CCDC158: variants seen among roughly 807,000 people sequenced by gnomAD.
CCDC158 encodes coiled-coil domain containing 158.
A neutral mutation model predicts 138.6 loss-of-function variants in CCDC158; 116 were observed. That is an observed-to-expected ratio of 0.84 (90% CI 0.72 to 0.98). CCDC158 has a LOEUF of 0.98. CCDC158 is among the 50% of genes least tolerant of loss of function. The pLI is 0.00. For missense variants in CCDC158, 1,265 were observed against 1,306.1 expected (o/e 0.97, Z 0.48); for synonymous variants, 436 against 442.4 (o/e 0.99, Z 0.18).
At chr4:76,350,063 A>G (rs1316585633) in intron 18 of CCDC158, among the ~76,000 whole-genome samples, 1 of 152,248 alleles carries the variant, frequency 6.6e-6, no homozygotes, top group Non-Finnish European at 1.5e-5. Context: ...TATCAATGGA[A>G]CATGTACATA....
chr4:76,339,611 CTA>C (rs749664988), intron 18 of CCDC158, among the ~76,000 whole-genome samples: 2 of 152,226 alleles, frequency 1.3e-5, no homozygotes, highest in Non-Finnish European at 2.9e-5. Context: ...AGCTGCAGAA[CTA>C]TTCAAGTCTT....
intron 4 of CCDC158, among the ~76,000 whole-genome samples, chr4:76,392,279 T>C (rs1579063383): frequency 3.3e-5 from 5 of 151,938 alleles, no homozygotes; most frequent in African/African-American, 1.2e-4. Flanking sequence ...ATATCATGAC[T>C]AAGTGGGATT....
At chr4:76,345,562 G>T (rs1210495759) in intron 18 of CCDC158, 1 of 1,070,044 alleles carries the variant, frequency 9.3e-7, no homozygotes, top group Non-Finnish European at 1.5e-6. Context: ...CTTTTGCAGA[G>T]CTGTATTGAC....
intron 11 of CCDC158, among the ~76,000 whole-genome samples, chr4:76,368,633 C>T (rs17001826): frequency 0.029 from 4,471 of 152,248 alleles, 220 homozygotes; most frequent in African/African-American, 0.1. Context: ...CGTTTTGCTA[C>T]TGGAGGGTGC....
At chr4:76,317,532 T>A (rs551399652) in intron 24 of CCDC158, among the ~76,000 whole-genome samples, 25 of 152,246 alleles carry the variant, frequency 1.6e-4, no homozygotes, top group African/African-American at 4.8e-4. Context: ...ACAATAATAG[T>A]GGAGGACTTC....
At chr4:76,370,450 G>A in intron 10 of CCDC158, among the ~76,000 whole-genome samples, 1 of 152,162 alleles carries the variant, frequency 6.6e-6, no homozygotes, top group South Asian at 2.1e-4. Flanking sequence ...GTATTGAAAG[G>A]GAGGGTGTCT....
In CCDC158 at chr4:76,367,346, GCT is replaced by G; in HGVS notation, c.1776_1777del (p.Lys592AsnfsTer8). On this transcript the variant is annotated frameshift_variant, in exon 12 of 25. Transcript: ENST00000682701. LOFTEE classifies it high-confidence loss of function. ...ATCATTAATTTCTTTCTCCAGTTGA[GCT>G]TTTTCTACTTGCATAGCTCCAGCAG... 14 of 1,613,952 alleles carry G rather than the reference GCT, an allele frequency of 8.7e-6. No homozygotes were observed. The highest frequency in any genetic ancestry group is 1.2e-5 in the Non-Finnish European group (14 of 1,179,876).
chr4:76,417,620 T>C (rs1729800428), intron 1 of CCDC158, among the ~76,000 whole-genome samples: 1 of 152,116 alleles, frequency 6.6e-6, no homozygotes, highest in Admixed American at 6.5e-5. Context: ...CCCACCATGA[T>C]TCTGAGGCCT....
intron 2 of CCDC158, among the ~76,000 whole-genome samples, chr4:76,407,780 A>G (rs1728951036): frequency 6.6e-6 from 1 of 152,202 alleles, no homozygotes; most frequent in Admixed American, 6.5e-5. Context: ...ATCTAAGATC[A>G]AGGTAAGCAG....
intron 18 of CCDC158, among the ~76,000 whole-genome samples, chr4:76,336,062 G>A (rs1363611002): frequency 2.6e-5 from 4 of 151,148 alleles, no homozygotes; most frequent in Non-Finnish European, 4.4e-5. Context: ...GGCACCTGTA[G>A]TCCCAGCTAC....
intron 9 of CCDC158, among the ~76,000 whole-genome samples, chr4:76,374,785 T>C (rs1185878677): frequency 6.6e-6 from 1 of 152,078 alleles, no homozygotes; most frequent in Non-Finnish European, 1.5e-5. Flanking sequence ...ATTAAGATTT[T>C]CTCTTTTGTC....
chr4:76,414,704 G>A (rs998224790), intron 1 of CCDC158, among the ~76,000 whole-genome samples: 1 of 152,184 alleles, frequency 6.6e-6, no homozygotes, highest in Non-Finnish European at 1.5e-5. Flanking sequence ...GATCCGATGG[G>A]GTTGTAAGGG....
chr4:76,364,095 C>A (rs149985628), intron 12 of CCDC158, among the ~76,000 whole-genome samples: 171 of 152,304 alleles, frequency 1.1e-3, no homozygotes, highest in Middle Eastern at 3.4e-3. Flanking sequence ...TCAAACATTC[C>A]TATTCCTTCT....
chr4:76,333,923 C>G, intron 19 of CCDC158, 87 bp downstream of exon 19: 1 of 945,314 alleles, frequency 1.1e-6, no homozygotes, highest in Non-Finnish European at 1.5e-6. Flanking sequence ...ATTTAAACCT[C>G]ACCCTCCCAG....
Position 76,345,099 on chromosome 4 carries a change from G to A in CCDC158, c.2664+5897C>T, listed in dbSNP as rs6837164. 5.8e-3 allele frequency: 7,226 copies of A among 1,241,774 alleles called. 292 individuals are homozygous for A. In the African/African-American group the frequency reaches 0.092, roughly 16 times the overall value. The allele number at this position is 1,241,774 out of a possible 1,614,324, so 76.9% of individuals were successfully genotyped here. The stretch of plus-strand genomic sequence containing the variant: ...ACCAGATCTCATAAAAATTGTTGCC[G>A]ATGTCTATATCCACACTGCAGCCTG... On this transcript the variant is annotated intron_variant, in intron 18 of 24. Transcript: ENST00000682701.
Position 76,371,495 on chromosome 4 carries a change from C to T in CCDC158, c.1071G>A (p.Glu357=). ...LEKQLVLANS[E]LTEARTERDQ... is the part of the protein sequence containing the mutation. ...CACGCTCTGTCCGGGCTTCAGTTAG[C>T]TCTGAGTTGGCAAGGACTAACTGCT... Residue 357 remains glutamate (E), a synonymous_variant, in exon 10 of 25, where the codon GAG becomes GAA. Transcript: ENST00000682701. The T allele has an allele frequency of 1.2e-6, 2 of 1,614,094 alleles. No individual in the cohort carries two copies. Among genetic ancestry groups the T allele is most frequent in the Non-Finnish European group, 1.7e-6 (2 of 1,179,966 alleles).
At chr4:76,344,715 G>T (rs1378594734) in intron 18 of CCDC158, 4 of 1,613,930 alleles carry the variant, frequency 2.5e-6, no homozygotes, top group Non-Finnish European at 3.4e-6. Flanking sequence ...TGAAGACTTT[G>T]TGTGGCTACA....
chr4:76,393,757 T>C lies in CCDC158; in HGVS notation c.288+2512A>G, dbSNP rs149086838. Among the ~76,000 whole-genome samples the C allele has an allele frequency of 1.6e-3, 239 of 152,206 alleles. 2 individuals are homozygous for C. Among genetic ancestry groups the C allele is most frequent in the African/African-American group, 5.4e-3 (226 of 41,548 alleles). On this transcript the variant is annotated intron_variant, in intron 4 of 24. Transcript: ENST00000682701. ...TGACAAGGGATTAATTACCAGAATA[T>C]ATAAGGAGCTCAAACAACTCTATAG... is the stretch of plus-strand genomic sequence containing the variant.
At chr4:76,414,879 T>C (rs1408446062) in intron 1 of CCDC158, among the ~76,000 whole-genome samples, 1 of 152,178 alleles carries the variant, frequency 6.6e-6, no homozygotes, top group East Asian at 1.9e-4. Flanking sequence ...GAAAACAGAC[T>C]AATACAGTAA....
Sources: gnomAD v4.1 joint callset for allele counts (sites outside exome capture counted in the v4.1 genomes callset) on GRCh38, gnomAD v4.1.1 for gene constraint, MANE v1.5 for transcripts, NCBI Gene and HGNC (gene_info 2026-07-23, HGNC 2026-07-21) for gene names.